The following PALLD variants were observed in gnomAD, a reference collection of about 807,000 sequenced individuals.
The protein encoded by PALLD is palladin, cytoskeletal associated protein.
Under a neutral mutation model 123.5 loss-of-function variants are expected in PALLD, and 61 were observed. The observed-to-expected ratio is 0.49, with a 90% CI of 0.40 to 0.61. The LOEUF is 0.61. PALLD is among the 20% of genes least tolerant of loss of function. The pLI is 0.00. For missense variants in PALLD, 1,273 were observed against 1,377.0 expected, an observed-to-expected ratio of 0.92 and a Z score of 1.20; for synonymous variants, 465 against 496.4, an observed-to-expected ratio of 0.94 and a Z score of 0.84.
intron 2 of PALLD, among the ~76,000 whole-genome samples, chr4:168,587,699 C>T (rs1296557547): frequency 1.3e-5 from 2 of 152,144 alleles, no homozygotes; most frequent in Non-Finnish European, 2.9e-5. Context: ...ATTCCCTAAC[C>T]AGTGCTACTA....
At chr4:168,921,126 C>G (rs941407113) in intron 17 of PALLD, among the ~76,000 whole-genome samples, 2 of 152,054 alleles carry the variant, frequency 1.3e-5, no homozygotes, top group African/African-American at 4.8e-5. Context: ...CATCTCTTGG[C>G]CCGGTGCAAT....
chr4:168,634,616 G>A (rs1233299171), intron 2 of PALLD, among the ~76,000 whole-genome samples: 1 of 152,160 alleles, frequency 6.6e-6, no homozygotes, highest in East Asian at 1.9e-4. Flanking sequence ...CTCCCTCAGA[G>A]CGCACTTGGT....
chr4:168,556,679 C>G (rs574229561), intron 2 of PALLD, among the ~76,000 whole-genome samples: 8 of 152,242 alleles, frequency 5.3e-5, no homozygotes, highest in Admixed American at 4.6e-4. Context: ...AGAGGAACAT[C>G]ATTGTTACTA....
intron 6 of PALLD, among the ~76,000 whole-genome samples, chr4:168,689,604 C>T (rs550318398): frequency 4.6e-5 from 7 of 151,598 alleles, no homozygotes; most frequent in South Asian, 2.1e-4. Flanking sequence ...TCTGCCACCA[C>T]GACCGGCTAA....
chr4:168,559,860 G>A (rs565543360), intron 2 of PALLD, among the ~76,000 whole-genome samples: 1 of 151,862 alleles, frequency 6.6e-6, no homozygotes, highest in East Asian at 1.9e-4. Flanking sequence ...ACTCTAGCCT[G>A]GGCAACAGAG....
chr4:168,508,255 AT>A (rs1232547963), intron 1 of PALLD, among the ~76,000 whole-genome samples: 2 of 152,366 alleles, frequency 1.3e-5, no homozygotes, highest in East Asian at 3.9e-4. Flanking sequence ...CCCCATAATT[AT>A]GTATAATTAT....
intron 3 of PALLD, among the ~76,000 whole-genome samples, chr4:168,671,534 A>G (rs1157768588): frequency 6.6e-6 from 1 of 152,202 alleles, no homozygotes; most frequent in African/African-American, 2.4e-5. Context: ...GAAACTGGAC[A>G]TAGCAAGAAT....
At chr4:168,921,992 G>A (rs1487783995) in intron 18 of PALLD, among the ~76,000 whole-genome samples, 1 of 151,906 alleles carries the variant, frequency 6.6e-6, no homozygotes. Context: ...GACCTCCTGT[G>A]TGTATAGTGG....
chr4:168,671,748 T>G (rs1006575298), intron 3 of PALLD, among the ~76,000 whole-genome samples: 5 of 152,134 alleles, frequency 3.3e-5, no homozygotes, highest in African/African-American at 1.2e-4. Flanking sequence ...AATTTTTATA[T>G]TTTACTTATT....
intron 10 of PALLD, among the ~76,000 whole-genome samples, chr4:168,727,866 A>G (rs1283293705): frequency 6.7e-6 from 1 of 149,520 alleles, no homozygotes; most frequent in Non-Finnish European, 1.5e-5. Context: ...TCTTTAATCT[A>G]TCTTGAGCTA....
intron 8 of PALLD, chr4:168,700,384 C>A (rs576709879): frequency 6.5e-6 from 1 of 153,114 alleles, no homozygotes; most frequent in South Asian, 2.1e-4. Flanking sequence ...AAATGTTCCA[C>A]GTGAACTATA....
intron 2 of PALLD, among the ~76,000 whole-genome samples, chr4:168,636,804 A>G (rs1776389689): frequency 6.6e-6 from 1 of 152,182 alleles, no homozygotes; most frequent in South Asian, 2.1e-4. Flanking sequence ...AGAGTGTCCA[A>G]GTGCATTTGG....
At chr4:168,708,785 G>T (rs1340876530) in intron 8 of PALLD, among the ~76,000 whole-genome samples, 2 of 151,914 alleles carry the variant, frequency 1.3e-5, no homozygotes, top group Admixed American at 1.3e-4. Context: ...CCATTTTATA[G>T]ATGAGGACAC....
chr4:168,709,409 C>G (rs1481412749), intron 9 of PALLD, among the ~76,000 whole-genome samples: 1 of 150,922 alleles, frequency 6.6e-6, no homozygotes, highest in Non-Finnish European at 1.5e-5. Context: ...ACTCTGGAGG[C>G]TGAGGCAGGA....
intron 8 of PALLD, among the ~76,000 whole-genome samples, chr4:168,703,831 T>C (rs1327343715): frequency 6.9e-6 from 1 of 144,982 alleles, no homozygotes; most frequent in Non-Finnish European, 1.5e-5. Flanking sequence ...ATGAGTAGGT[T>C]GCGAACATTT....
chr4:168,634,396 G>A (rs529105492), intron 2 of PALLD, among the ~76,000 whole-genome samples: 1 of 152,340 alleles, frequency 6.6e-6, no homozygotes, highest in East Asian at 1.9e-4. Context: ...ACGTGCCTCT[G>A]CCAGCTGCCT....
chr4:168,722,540 G>C (rs150577885), intron 10 of PALLD, among the ~76,000 whole-genome samples: 66 of 152,310 alleles, frequency 4.3e-4, no homozygotes, highest in African/African-American at 1.6e-3. Context: ...TGCTGAAAGA[G>C]GAAAGACAGT....
chr4:168,917,048 G>A (rs534643211), intron 17 of PALLD, among the ~76,000 whole-genome samples: 1 of 143,458 alleles, frequency 7.0e-6, no homozygotes, highest in Admixed American at 6.9e-5. Flanking sequence ...GTTTTTTTGG[G>A]GTTTTTTTTT....
intron 1 of PALLD, among the ~76,000 whole-genome samples, chr4:168,502,189 A>G (rs1761480180): frequency 1.3e-5 from 2 of 151,966 alleles, no homozygotes; most frequent in Non-Finnish European, 1.5e-5. Flanking sequence ...TTTTTTTTTT[A>G]GCTAAAAACA....
Sources: allele counts gnomAD v4.1 joint callset (sites outside exome capture counted in the v4.1 genomes callset), GRCh38; gene constraint gnomAD v4.1.1; transcripts MANE v1.5; gene names NCBI Gene and HGNC (gene_info 2026-07-23, HGNC 2026-07-21).